Variants in ATP2B4 observed in about 807,000 individuals in gnomAD.
ATP2B4 encodes ATPase plasma membrane Ca2+ transporting 4, also known as plasma membrane calcium-transporting ATPase 4.
A neutral mutation model predicts 110.3 loss-of-function variants in ATP2B4; 39 were observed. The ratio of observed to expected loss-of-function variants is 0.35; its 90% CI spans 0.27 to 0.46. The LOEUF (loss-of-function observed/expected upper bound fraction) is 0.46. ATP2B4 is among the 20% of genes least tolerant of loss of function. The probability of loss-of-function intolerance (pLI) is 1.00; values close to 1 mark genes in which losing one functional copy is unlikely to be tolerated. For synonymous variants in ATP2B4, 538 were observed against 571.7 expected (o/e 0.94, Z 0.84); for missense variants, 1,135 against 1,530.9 (o/e 0.74, Z 4.32).
At chr1:203,650,012 G>A (rs1022423301) in intron 1 of ATP2B4, among the ~76,000 whole-genome samples, 1 of 152,220 alleles carries the variant, frequency 6.6e-6, no homozygotes, top group African/African-American at 2.4e-5. Context: ...GTAATAGCCT[G>A]TTTTGAAGCA....
chr1:203,677,188 G>T (rs1664853233), intron 1 of ATP2B4, among the ~76,000 whole-genome samples: 1 of 152,106 alleles, frequency 6.6e-6, no homozygotes, highest in South Asian at 2.1e-4. Context: ...ATGTAAGAAT[G>T]ATAATAGCTA....
intron 1 of ATP2B4, among the ~76,000 whole-genome samples, chr1:203,652,167 C>G (rs953472587): frequency 3.8e-5 from 5 of 132,972 alleles, no homozygotes; most frequent in Non-Finnish European, 7.8e-5. Context: ...TTTTCTGACA[C>G]AGAGTCTCAC....
intron 6 of ATP2B4, among the ~76,000 whole-genome samples, 192 bp from the exon 7 acceptor site, chr1:203,701,852 C>A (rs768009400): frequency 2.0e-5 from 3 of 152,094 alleles, no homozygotes; most frequent in Non-Finnish European, 2.9e-5. Flanking sequence ...GTGGATATCC[C>A]GAGGATTCAT....
intron 1 of ATP2B4, among the ~76,000 whole-genome samples, chr1:203,668,138 G>A (rs1331714606): frequency 2.0e-5 from 3 of 152,180 alleles, no homozygotes; most frequent in Admixed American, 6.5e-5. Flanking sequence ...GCATCCATAT[G>A]TCTATTCCCC....
intron 1 of ATP2B4, among the ~76,000 whole-genome samples, chr1:203,655,188 C>T (rs1380059651): frequency 2.6e-5 from 4 of 152,148 alleles, no homozygotes; most frequent in African/African-American, 9.7e-5. Flanking sequence ...GAAATCTACT[C>T]CTGTTGAAGA....
chr1:203,657,131 G>A, intron 1 of ATP2B4: 1 of 834,710 alleles, frequency 1.2e-6, no homozygotes, highest in Non-Finnish European at 2.1e-6. Flanking sequence ...GTTGTATACG[G>A]TGGGGATGAG....
rs148182630 is a variant in ATP2B4 at position 203,653,839 on chromosome 1, G to A, written c.-465+26620G>A. ...CACAAAGTGTTGGGATTACAGGCGT[G>A]AGCCACCACGCCAGGCTTCTAGGGC... On this transcript the variant is annotated intron_variant, in intron 1 of 20. Coordinates refer to ENST00000357681, the MANE Select transcript of ATP2B4 (RefSeq NM_001684.5). Among the ~76,000 whole-genome samples, 236 of 151,948 alleles carry A rather than the reference G, an allele frequency of 1.6e-3. 1 individual carries two copies. The East Asian group carries it at 0.028, about 18-fold the overall frequency.
rs1391080553 is a variant in ATP2B4, at chr1:203,698,138, ACTCCTAT to A, written c.194-13_194-7del. 1 of 1,611,870 alleles carries A rather than the reference ACTCCTAT, an allele frequency of 6.2e-7. No individual in the cohort carries two copies. Among genetic ancestry groups the A allele is most frequent in the Non-Finnish European group, 8.5e-7 (1 of 1,178,908 alleles). ...CCTTTTTTCCTACATTCATTCATCC[ACTCCTAT>A]CTCCTTTTCAGGTCTGTCTGGGAAC... On this transcript the variant is annotated splice_polypyrimidine_tract_variant and intron_variant, in intron 2 of 20. Coordinates refer to ENST00000357681, the MANE Select transcript of ATP2B4 (RefSeq NM_001684.5).
At chr1:203,705,388 C>CTTG (rs935082136) in intron 8 of ATP2B4, among the ~76,000 whole-genome samples, 13 of 152,244 alleles carry the variant, frequency 8.5e-5, no homozygotes, top group Admixed American at 2.6e-4. Flanking sequence ...TAATCCTTGC[C>CTTG]TTGTTGTTGT....
chr1:203,689,647 C>A (rs1384926754), intron 2 of ATP2B4, among the ~76,000 whole-genome samples: 1 of 152,208 alleles, frequency 6.6e-6, no homozygotes, highest in Non-Finnish European at 1.5e-5. Flanking sequence ...GCCTCCAATT[C>A]TTTTTCAACA....
chr1:203,653,652 G>T (rs1664064481), intron 1 of ATP2B4, among the ~76,000 whole-genome samples: 1 of 152,158 alleles, frequency 6.6e-6, no homozygotes, highest in East Asian at 1.9e-4. Context: ...ACCCCTCAAG[G>T]TTCAAGTGAT....
chr1:203,734,611 C>T (rs961525214), intron 20 of ATP2B4, among the ~76,000 whole-genome samples: 3 of 149,926 alleles, frequency 2.0e-5, no homozygotes, highest in Non-Finnish European at 4.4e-5. Flanking sequence ...GAGGCTGAGG[C>T]GGGAGAATCA....
intron 8 of ATP2B4, 127 bp from the exon 9 acceptor site, chr1:203,706,882 A>G (rs1017595203): frequency 2.7e-6 from 2 of 738,450 alleles, no homozygotes; most frequent in Non-Finnish European, 4.5e-6. Flanking sequence ...GGATTTTAGT[A>G]AGTCTTCCTG....
chr1:203,634,059 T>A (rs527797682), intron 1 of ATP2B4, among the ~76,000 whole-genome samples: 26 of 152,058 alleles, frequency 1.7e-4, no homozygotes, highest in East Asian at 9.7e-4. Flanking sequence ...TCAAAAAAAA[T>A]TTTTTTAAAT....
In ATP2B4 at chr1:203,739,533, T is replaced by C; in HGVS notation, c.3310-13T>C. The C allele has an allele frequency of 6.3e-7, 1 of 1,599,604 alleles. No individual in the cohort carries two copies. The highest frequency in any genetic ancestry group is 8.5e-7 in the Non-Finnish European group (1 of 1,170,938). On this transcript the variant is annotated splice_polypyrimidine_tract_variant and intron_variant, in intron 20 of 20. Coordinates refer to ENST00000357681, the MANE Select transcript of ATP2B4 (RefSeq NM_001684.5). ...TCTATTTTCTCATCCTCCTTTTCCT[T>C]CCCCTGGTATAGATCAAAGTGGTCA... is the stretch of plus-strand genomic sequence containing the variant.
chr1:203,676,047 T>C (rs1457408267), intron 1 of ATP2B4, among the ~76,000 whole-genome samples: 1 of 152,100 alleles, frequency 6.6e-6, no homozygotes, highest in African/African-American at 2.4e-5. Flanking sequence ...CAGGCCATGG[T>C]ATACTATCCC....
rs577353876 is a variant in ATP2B4, at chr1:203,740,366, G to T, written c.*512G>T. 6.5e-6 allele frequency: 1 copy of T among 154,726 alleles called. No individual in the cohort carries two copies. The highest frequency in any genetic ancestry group is 2.4e-5 in the African/African-American group (1 of 41,216). 9.6% of individuals were successfully genotyped at this position (154,726 alleles called of 1,614,324 possible). On this transcript the variant is annotated 3_prime_UTR_variant, in exon 21 of 21. Transcript: ENST00000357681. ...TTTGAAAACTTACACCTAAAGGCCT[G>T]TAGGCCTCTAACTCTTTCTGCCCTT...
intron 2 of ATP2B4, among the ~76,000 whole-genome samples, chr1:203,694,491 G>A (rs1210498206): frequency 6.6e-6 from 1 of 152,160 alleles, no homozygotes; most frequent in African/African-American, 2.4e-5. Context: ...CTGGGCAGAG[G>A]GAACAGCTTG....
At position 203,713,157 on chromosome 1, in the gene ATP2B4, G is replaced by GT; in HGVS notation, c.2212-6dup. ...TTGACTGATCCAGGTGTGGTCTGGT[G>GT]TTGGCAGGTAGAGCAAGAAAAGCTG... On this transcript the variant is annotated splice_region_variant and splice_polypyrimidine_tract_variant and intron_variant, in intron 13 of 20. Coordinates refer to ENST00000357681, the MANE Select transcript of ATP2B4 (RefSeq NM_001684.5). 1 of 1,614,204 alleles carries GT rather than the reference G, an allele frequency of 6.2e-7. No individual in the cohort carries two copies. The highest frequency in any genetic ancestry group is 8.5e-7 in the Non-Finnish European group (1 of 1,180,004).
Sources: allele counts gnomAD v4.1 joint callset (sites outside exome capture counted in the v4.1 genomes callset), GRCh38; gene constraint gnomAD v4.1.1; transcripts MANE v1.5; gene names NCBI Gene and HGNC (gene_info 2026-07-23, HGNC 2026-07-21).